The following MYO5C variants were observed in gnomAD, a reference collection of about 807,000 sequenced individuals.
MYO5C encodes the protein unconventional myosin-Vc.
MYO5C carries 194 observed loss-of-function variants against 235.7 expected under a neutral mutation model. The observed-to-expected ratio is 0.82, with a 90% CI of 0.73 to 0.93. The LOEUF is 0.93. Ranked by LOEUF, MYO5C falls within the 40% of genes least tolerant of loss-of-function variation. MYO5C has a pLI of 0.00. For missense variants in MYO5C, 2,038 were observed against 2,127.2 expected (o/e 0.96, Z 0.82); for synonymous variants, 707 against 754.8 (o/e 0.94, Z 1.04).
intron 23 of MYO5C, 124 bp downstream of exon 23, chr15:52,235,545 CA>C: frequency 1.6e-6 from 1 of 633,394 alleles, no homozygotes; most frequent in Non-Finnish European, 2.7e-6. Context: ...TCCTTGTGAG[CA>C]AAAATTGCCT....
intron 29 of MYO5C, 143 bp from the exon 30 acceptor site, chr15:52,221,398 G>A (rs751515376): frequency 1.0e-4 from 59 of 585,662 alleles, no homozygotes; most frequent in Admixed American, 1.6e-4. Context: ...CATTAGACTG[G>A]ATTAACATTT....
intron 19 of MYO5C, 100 bp downstream of exon 19, chr15:52,244,256 A>G (rs1168811463): frequency 8.3e-7 from 1 of 1,203,696 alleles, no homozygotes; most frequent in Non-Finnish European, 1.2e-6. Flanking sequence ...ACCCTGGGTC[A>G]CAGGAGAAAG....
chr15:52,214,614 G>T lies in MYO5C; in HGVS notation c.4031C>A (p.Thr1344Lys). ...LQDQVKTLSK[T>K]IGKANDVHSS... Reference sequence around the variant, plus strand: ...GTATTGTTTCTTACCTTTTCCAATTGTCTTGCTTAGTGTCTTGACTTGATC... The same window carrying T: ...GTATTGTTTCTTACCTTTTCCAATTTTCTTGCTTAGTGTCTTGACTTGATC... The change falls in exon 33 of 41, where the codon ACA becomes AAA. Residue 1344 changes from threonine (T) to lysine (K), a missense_variant. Transcript: ENST00000261839. The T allele has an allele frequency of 6.2e-7, 1 of 1,602,140 alleles. No individual in the cohort carries two copies. Among genetic ancestry groups the T allele is most frequent in the Non-Finnish European group, 8.5e-7 (1 of 1,173,952 alleles).
chr15:52,226,488 A>AT (rs1170976174), intron 25 of MYO5C, among the ~76,000 whole-genome samples: 1 of 152,156 alleles, frequency 6.6e-6, no homozygotes, highest in Non-Finnish European at 1.5e-5. Flanking sequence ...TCTCCTTGAT[A>AT]TTTTTTCAGT....
chr15:52,252,797 C>T (rs2036501883), intron 12 of MYO5C, among the ~76,000 whole-genome samples: 1 of 151,778 alleles, frequency 6.6e-6, no homozygotes, highest in South Asian at 2.1e-4. Flanking sequence ...AATCCTTTAA[C>T]CCCGAAACCT....
At chr15:52,197,808 G>A (rs1264054360) in intron 38 of MYO5C, among the ~76,000 whole-genome samples, 1 of 151,676 alleles carries the variant, frequency 6.6e-6, no homozygotes. Flanking sequence ...GCTAATTTTT[G>A]TATTTTTAGT....
In MYO5C at chr15:52,269,875, T is replaced by C; in HGVS notation, c.833-15A>G. 5 of 1,553,634 alleles carry C rather than the reference T, an allele frequency of 3.2e-6. No individual in the cohort carries two copies. The highest frequency in any genetic ancestry group is 2.2e-5 in the South Asian group (2 of 89,762). The stretch of plus-strand genomic sequence containing the variant: ...TTCGGCACTCCCTGAAATCAAAAAG[T>C]AAGATTTGTTATGTCTGTAACACAG... On this transcript the variant is annotated splice_polypyrimidine_tract_variant and intron_variant, in intron 7 of 40. Coordinates refer to ENST00000261839, the MANE Select transcript of MYO5C (RefSeq NM_018728.4).
chr15:52,236,372 G>T (rs2036086005), intron 22 of MYO5C, among the ~76,000 whole-genome samples: 1 of 152,204 alleles, frequency 6.6e-6, no homozygotes, highest in Non-Finnish European at 1.5e-5. Context: ...TGGGTGCTAG[G>T]ACTTTGAAAA....
intron 22 of MYO5C, among the ~76,000 whole-genome samples, chr15:52,236,352 C>T (rs1166302939): frequency 6.6e-6 from 1 of 152,198 alleles, no homozygotes; most frequent in Non-Finnish European, 1.5e-5. Context: ...GGCCTCCAAG[C>T]CACCAACCCT....
intron 40 of MYO5C, among the ~76,000 whole-genome samples, 197 bp from the exon 41 acceptor site, chr15:52,194,251 A>G (rs1295133529): frequency 4.6e-5 from 7 of 152,266 alleles, no homozygotes; most frequent in Non-Finnish European, 1.0e-4. Context: ...AGCTCTCAGA[A>G]CAATTAACTT....
chr15:52,223,718 CA>C lies in MYO5C; in HGVS notation c.3452del (p.Leu1151TrpfsTer19). ...YEGLKKATRV[L>X]ESHFQSQKDC... Reference sequence around the variant, plus strand: ...CCTTCTGAGACTGGAAATGGCTCTCCAAAACACTATTAAAGGAGGGGTCAAG... The same window carrying C: ...CCTTCTGAGACTGGAAATGGCTCTCCAAACACTATTAAAGGAGGGGTCAAG... On this transcript the variant is annotated frameshift_variant, in exon 29 of 41. Transcript: ENST00000261839. LOFTEE classifies it high-confidence loss of function. 6.2e-7 allele frequency: 1 copy of C among 1,613,480 alleles called. No individual in the cohort carries two copies. Among genetic ancestry groups the C allele is most frequent in the Non-Finnish European group, 8.5e-7 (1 of 1,179,742 alleles).
chr15:52,286,542 G>A lies in MYO5C; in HGVS notation c.28-3650C>T, dbSNP rs1051126564. Among the ~76,000 whole-genome samples the A allele has an allele frequency of 2.6e-5, 4 of 151,826 alleles. No homozygotes were observed. In the East Asian group the frequency reaches 5.8e-4, roughly 22 times the overall value. On this transcript the variant is annotated intron_variant, in intron 1 of 40. Coordinates refer to ENST00000261839, the MANE Select transcript of MYO5C (RefSeq NM_018728.4). ...AAGATTGAGAAATCGGATGGTTGCC[G>A]TGTCTGTGTAGAAAGAGGTAGACAT...
chr15:52,221,387 A>G (rs1314748997), intron 29 of MYO5C, 132 bp from the exon 30 acceptor site: 4 of 616,880 alleles, frequency 6.5e-6, no homozygotes, highest in Non-Finnish European at 1.1e-5. Flanking sequence ...GCTAGCCACG[A>G]CATTAGACTG....
At chr15:52,233,757 C>G (rs2036020411) in intron 23 of MYO5C, among the ~76,000 whole-genome samples, 1 of 152,222 alleles carries the variant, frequency 6.6e-6, no homozygotes, top group Non-Finnish European at 1.5e-5. Context: ...CCATATGCCA[C>G]AGGGGCCATC....
At chr15:52,254,712 CA>C (rs11328196) in intron 11 of MYO5C, among the ~76,000 whole-genome samples, 8,587 of 131,518 alleles carry the variant, frequency 0.065, 446 homozygotes, top group East Asian at 0.15. Context: ...AGAACAAAAG[CA>C]AAAAAAAAAA....
At position 52,218,639 on chromosome 15, in the gene MYO5C, C is replaced by G; in HGVS notation, c.3834G>C (p.Leu1278=). 6.2e-7 allele frequency: 1 copy of G among 1,614,196 alleles called. No homozygotes were observed. The highest frequency in any genetic ancestry group is 8.5e-7 in the Non-Finnish European group (1 of 1,180,034). Residue 1278 remains leucine, a synonymous_variant, in exon 32 of 41, where the codon CTG becomes CTC. Transcript: ENST00000261839. ...CCTGCATTTCTTGAATCTTATCAATCAGCTTCTCCTTCTCTTTGGTATGTA... is the reference window on the plus strand; with the variant it reads ...CCTGCATTTCTTGAATCTTATCAATGAGCTTCTCCTTCTCTTTGGTATGTA... ...NEIHTKEKEK[L]IDKIQEMQEA...
intron 2 of MYO5C, among the ~76,000 whole-genome samples, chr15:52,281,347 T>G (rs1049053467): frequency 3.9e-5 from 6 of 152,212 alleles, no homozygotes; most frequent in Non-Finnish European, 8.8e-5. Flanking sequence ...GCCATCCTAC[T>G]CACCTCTGCA....
At chr15:52,239,684 C>G (rs189756063) in intron 21 of MYO5C, 49 bp downstream of exon 21, 1 of 1,544,698 alleles carries the variant, frequency 6.5e-7, no homozygotes, top group East Asian at 2.3e-5. Context: ...GAACAAACTA[C>G]AGCCATGTAA....
Position 52,295,621 on chromosome 15 carries a change from G to C in MYO5C, c.16C>G (p.Leu6Val), listed in dbSNP as rs1236405599. The change falls in exon 1 of 41, where the codon CTG becomes GTG. Residue 6 changes from leucine to valine, a missense_variant. Leu to Val is a conservative substitution (Grantham distance 32). Coordinates refer to ENST00000261839, the MANE Select transcript of MYO5C (RefSeq NM_018728.4). ...GCGGACCCTCCTACCTGCGTGTACA[G>C]CTCGGCCACCGCCATGGGCAGGAGG... Reference protein sequence around the residue: MAVAELYTQYNRVWIP... With the variant: MAVAEVYTQYNRVWIP... 2.0e-6 allele frequency: 3 copies of C among 1,487,250 alleles called. No homozygotes were observed. The highest frequency in any genetic ancestry group is 1.5e-5 in the African/African-American group (1 of 68,130). 92.1% of individuals were successfully genotyped at this position (1,487,250 alleles called of 1,614,324 possible).
Sources: gnomAD v4.1 joint callset for allele counts (sites outside exome capture counted in the v4.1 genomes callset) on GRCh38, gnomAD v4.1.1 for gene constraint, MANE v1.5 for transcripts, NCBI Gene and HGNC (gene_info 2026-07-23, HGNC 2026-07-21) for gene names.